The following PTPN12 variants were observed in gnomAD, a reference collection of about 807,000 sequenced individuals.
PTPN12 encodes the protein tyrosine-protein phosphatase non-receptor type 12.
Under a neutral mutation model 97.6 loss-of-function variants are expected in PTPN12, and 29 were observed. The ratio of observed to expected loss-of-function variants is 0.30; its 90% CI spans 0.22 to 0.41. The LOEUF (loss-of-function observed/expected upper bound fraction) is 0.41. PTPN12 is among the 10% of genes least tolerant of loss of function. The pLI, the probability that PTPN12 is intolerant of heterozygous loss-of-function variation, is 1.00. For synonymous variants in PTPN12, 327 were observed against 300.4 expected, an observed-to-expected ratio of 1.09 and a Z score of -0.91; for missense variants, 819 against 926.0, an observed-to-expected ratio of 0.88 and a Z score of 1.50.
At chr7:77,614,167 G>A (rs1488012587) in intron 11 of PTPN12, among the ~76,000 whole-genome samples, 1 of 152,136 alleles carries the variant, frequency 6.6e-6, no homozygotes, top group Non-Finnish European at 1.5e-5. Flanking sequence ...TTACAGGCAT[G>A]AGCCATTGTG....
intron 1 of PTPN12, among the ~76,000 whole-genome samples, chr7:77,557,408 C>T (rs770574660): frequency 6.6e-6 from 1 of 152,202 alleles, no homozygotes; most frequent in Admixed American, 6.5e-5. Flanking sequence ...CACCTTCTGT[C>T]TCTCCAGTTT....
At position 77,627,368 on chromosome 7, in the gene PTPN12, G is replaced by C; in HGVS notation, c.1689G>C (p.Arg563Ser). The C allele has an allele frequency of 6.2e-7, 1 of 1,613,922 alleles. No individual in the cohort carries two copies. Among genetic ancestry groups the C allele is most frequent in the East Asian group, 2.2e-5 (1 of 44,876 alleles). ...CCTCAGATATCAACTATCAAACTAG[G>C]AAAACTGTGAGTTTAACACCAAGTC... ...GNSSDINYQT[R>S]KTVSLTPSPT... Residue 563 changes from arginine to serine, a missense_variant, in exon 13 of 18, where the codon AGG becomes AGC. This residue lies in a region of PTPN12 where 607 missense variants were observed against 577.3 expected (regional missense o/e 1.05). Coordinates refer to ENST00000248594, the MANE Select transcript of PTPN12 (RefSeq NM_002835.4).
At chr7:77,637,944 AAT>A (rs1491205224) in intron 16 of PTPN12, among the ~76,000 whole-genome samples, 1,321 of 89,340 alleles carry the variant, frequency 0.015, 264 homozygotes, top group Middle Eastern at 0.051. Context: ...GATTTCTTAA[AAT>A]TTTTTTTTTT....
chr7:77,562,674 T>C (rs1808054684), intron 1 of PTPN12, among the ~76,000 whole-genome samples: 1 of 152,132 alleles, frequency 6.6e-6, no homozygotes, highest in Admixed American at 6.5e-5. Context: ...AGATAATGGA[T>C]GATGAGGAAA....
At chr7:77,566,584 C>T (rs552753617) in intron 1 of PTPN12, among the ~76,000 whole-genome samples, 21 of 152,112 alleles carry the variant, frequency 1.4e-4, no homozygotes, top group Admixed American at 2.6e-4. Context: ...CCAGGCGTGG[C>T]GGTGCGTGCC....
At chr7:77,637,784 G>T (rs1346982468) in intron 16 of PTPN12, among the ~76,000 whole-genome samples, 2 of 146,790 alleles carry the variant, frequency 1.4e-5, no homozygotes, top group African/African-American at 5.1e-5. Context: ...TTGAACCCCG[G>T]AGGCAGAGGT....
chr7:77,558,203 T>C (rs1584105710), intron 1 of PTPN12, among the ~76,000 whole-genome samples: 2 of 95,360 alleles, frequency 2.1e-5, no homozygotes, highest in Non-Finnish European at 3.9e-5. Context: ...AGAGCAAGAC[T>C]CCATCTCAAA....
intron 1 of PTPN12, among the ~76,000 whole-genome samples, chr7:77,567,987 G>A (rs1343716655): frequency 2.0e-5 from 3 of 151,978 alleles, no homozygotes; most frequent in Non-Finnish European, 4.4e-5. Flanking sequence ...GACATTTTTT[G>A]GTGGGAAATA....
In PTPN12 at chr7:77,609,162, G is replaced by T. The variant is rs866109816; in HGVS notation, c.763-1603G>T. Among the ~76,000 whole-genome samples the T allele has an allele frequency of 9.2e-5, 14 of 152,204 alleles. 1 individual carries two copies. The Middle Eastern group carries it at 0.037, about 407-fold the overall frequency. On this transcript the variant is annotated intron_variant, in intron 9 of 17. Coordinates refer to ENST00000248594, the MANE Select transcript of PTPN12 (RefSeq NM_002835.4). ...TTGAACCTGGAAGGCAGAGGTTGCA[G>T]TGAGCCGAGATTGTGCCATTGCACT...
At chr7:77,631,393 A>G (rs1244841547) in intron 13 of PTPN12, among the ~76,000 whole-genome samples, 1 of 152,252 alleles carries the variant, frequency 6.6e-6, no homozygotes, top group Non-Finnish European at 1.5e-5. Flanking sequence ...CAGGTGTGGT[A>G]AAATAGCAGA....
At chr7:77,605,826 G>A (rs1052636354) in intron 8 of PTPN12, among the ~76,000 whole-genome samples, 2 of 151,882 alleles carry the variant, frequency 1.3e-5, no homozygotes, top group Admixed American at 1.3e-4. Context: ...TTCTTTTGTG[G>A]AAATCACTGC....
chr7:77,618,283 T>G (rs1032225488), intron 11 of PTPN12, among the ~76,000 whole-genome samples, 197 bp from the exon 12 acceptor site: 1 of 152,154 alleles, frequency 6.6e-6, no homozygotes, highest in African/African-American at 2.4e-5. Flanking sequence ...GATGCGCTGT[T>G]TTTTTGATAC....
At chr7:77,634,998 A>G (rs1789538689) in intron 14 of PTPN12, among the ~76,000 whole-genome samples, 1 of 152,030 alleles carries the variant, frequency 6.6e-6, no homozygotes, top group Non-Finnish European at 1.5e-5. Context: ...TTAGAGGCAT[A>G]CACCGTCACT....
rs1205741064 is a variant in PTPN12, at chr7:77,582,863, C to CT, written c.286-685dup. Among the ~76,000 whole-genome samples, 20 of 151,118 alleles carry CT rather than the reference C, an allele frequency of 1.3e-4. No homozygotes were observed. In the East Asian group the frequency reaches 3.7e-3, roughly 28 times the overall value. On this transcript the variant is annotated intron_variant, in intron 3 of 17. Transcript: ENST00000248594. ...CAGTCATGGTTTTAAATAAAAATTTCTTTTTTTAACAAAGTTAAAAACCAA... is the reference window on the plus strand; with the variant it reads ...CAGTCATGGTTTTAAATAAAAATTTCTTTTTTTTAACAAAGTTAAAAACCAA...
intron 13 of PTPN12, among the ~76,000 whole-genome samples, chr7:77,629,185 G>C (rs1446147890): frequency 6.6e-6 from 1 of 152,086 alleles, no homozygotes; most frequent in African/African-American, 2.4e-5. Context: ...TCCTGACCTC[G>C]TGATCCGCCC....
At chr7:77,568,163 T>C (rs2151315474) in intron 1 of PTPN12, among the ~76,000 whole-genome samples, 1 of 152,320 alleles carries the variant, frequency 6.6e-6, no homozygotes, top group African/African-American at 2.4e-5. Context: ...AGAAAGCATT[T>C]TAAGAAATGG....
chr7:77,575,977 G>T (rs1419034948), intron 2 of PTPN12, among the ~76,000 whole-genome samples: 1 of 152,070 alleles, frequency 6.6e-6, no homozygotes, highest in Non-Finnish European at 1.5e-5. Context: ...TCAGCCTCCT[G>T]AGTAGCTGGG....
intron 8 of PTPN12, among the ~76,000 whole-genome samples, chr7:77,605,482 T>A (rs1788339948): frequency 7.1e-6 from 1 of 140,172 alleles, no homozygotes. Flanking sequence ...TGCAATGGCG[T>A]GATCTCAGCT....
At chr7:77,609,462 G>A (rs1788488371) in intron 9 of PTPN12, among the ~76,000 whole-genome samples, 2 of 151,352 alleles carry the variant, frequency 1.3e-5, no homozygotes, top group Admixed American at 1.3e-4. Context: ...AGTAGAGATG[G>A]GGTTTCACCG....
Sources: allele counts gnomAD v4.1 joint callset (sites outside exome capture counted in the v4.1 genomes callset), GRCh38; gene constraint gnomAD v4.1.1; regional missense constraint gnomAD v4.1.1; transcripts MANE v1.5; gene names NCBI Gene and HGNC (gene_info 2026-07-23, HGNC 2026-07-21).